The following JAKMIP3 variants were observed in gnomAD, a reference collection of about 807,000 sequenced individuals.
The protein encoded by JAKMIP3 is Janus kinase and microtubule interacting protein 3.
In JAKMIP3, 58 loss-of-function variants were observed where a neutral mutation model predicts 118.5. The ratio of observed to expected loss-of-function variants is 0.49; its 90% CI spans 0.40 to 0.61. JAKMIP3 has a LOEUF of 0.61. JAKMIP3 is among the 20% of genes least tolerant of loss of function. The pLI is 0.00. For synonymous variants in JAKMIP3, 486 were observed against 451.2 expected, an observed-to-expected ratio of 1.08 and a Z score of -0.98; for missense variants, 950 against 1,109.0, an observed-to-expected ratio of 0.86 and a Z score of 2.04.
chr10:132,178,941 G>A (rs1354690734), intron 23 of JAKMIP3, among the ~76,000 whole-genome samples: 2 of 152,130 alleles, frequency 1.3e-5, no homozygotes, highest in Non-Finnish European at 2.9e-5. Context: ...GTACGACTAC[G>A]TCTGCACGTG....
chr10:132,100,774 C>T (rs986360112), intron 1 of JAKMIP3, among the ~76,000 whole-genome samples: 1 of 152,038 alleles, frequency 6.6e-6, no homozygotes, highest in African/African-American at 2.4e-5. Context: ...CTTGAAAGCC[C>T]CTTTCTCTCG....
chr10:132,086,118 C>A (rs1034443719), intron 1 of JAKMIP3, among the ~76,000 whole-genome samples: 2 of 152,054 alleles, frequency 1.3e-5, no homozygotes, highest in East Asian at 1.9e-4. Context: ...ATTGTTGACC[C>A]GGTGATCATT....
intron 19 of JAKMIP3, among the ~76,000 whole-genome samples, chr10:132,156,498 C>G (rs988571492): frequency 6.6e-6 from 1 of 152,182 alleles, no homozygotes; most frequent in Non-Finnish European, 1.5e-5. Flanking sequence ...AGGACCCCAC[C>G]CAGCCTTCGC....
At chr10:132,138,072 T>C in intron 8 of JAKMIP3, 47 bp from the exon 9 acceptor site, 1 of 1,563,636 alleles carries the variant, frequency 6.4e-7, no homozygotes. Flanking sequence ...CTGAAACCGG[T>C]GGAGCTGCTC....
chr10:132,145,033 C>A, intron 11 of JAKMIP3, 74 bp from the exon 12 acceptor site: 1 of 1,235,772 alleles, frequency 8.1e-7, no homozygotes, highest in Non-Finnish European at 1.2e-6. Flanking sequence ...ACCCTTCTGA[C>A]GTCCCACGAG....
At chr10:132,139,299 TGTGTGTGA>T (rs1260887433) in intron 9 of JAKMIP3, among the ~76,000 whole-genome samples, 8 of 111,322 alleles carry the variant, frequency 7.2e-5, no homozygotes, top group African/African-American at 3.0e-4. Flanking sequence ...CATCTGTGTA[TGTGTGTGA>T]GTGTGTATGT....
chr10:132,135,714 C>T (rs1272978029), intron 5 of JAKMIP3, among the ~76,000 whole-genome samples: 2 of 152,060 alleles, frequency 1.3e-5, no homozygotes, highest in African/African-American at 4.8e-5. Context: ...GCGGGTTCAC[C>T]TGGGCACTGG....
At chr10:132,102,195 A>G (rs910481813) in intron 1 of JAKMIP3, among the ~76,000 whole-genome samples, 1 of 152,054 alleles carries the variant, frequency 6.6e-6, no homozygotes, top group African/African-American at 2.4e-5. Context: ...TTCTTCTTGC[A>G]TACTTCTCAG....
Position 132,180,620 on chromosome 10 carries a change from T to C in JAKMIP3, c.*1104-1737T>C, listed in dbSNP as rs1193958130. ...GTGCGTGCGCGTGTGTGTGTGCGTG[T>C]GTGTGCGTGTGTGCGTGCGTGTGTG... On this transcript the variant is annotated intron_variant, in intron 23 of 23. Coordinates refer to ENST00000684848, the MANE Select transcript of JAKMIP3 (RefSeq NM_001323087.2). 6.5e-3 allele frequency among the ~76,000 whole-genome samples: 267 copies of C among 41,202 alleles called. 45 individuals are homozygous for C. Among genetic ancestry groups the C allele is most frequent in the East Asian group, 0.02 (7 of 346 alleles). 27.0% of individuals were successfully genotyped at this position (41,202 alleles called of 152,430 possible).
chr10:132,102,876 G>A (rs186831282), intron 1 of JAKMIP3, among the ~76,000 whole-genome samples: 38 of 152,212 alleles, frequency 2.5e-4, no homozygotes, highest in Non-Finnish European at 4.9e-4. Flanking sequence ...GCAGGAGTAG[G>A]GGGGGAGGGC....
intron 20 of JAKMIP3, among the ~76,000 whole-genome samples, 160 bp downstream of exon 20, chr10:132,163,572 C>T (rs1191237829): frequency 6.6e-6 from 1 of 152,204 alleles, no homozygotes. Flanking sequence ...ATGGCTACAC[C>T]CTGATGGCCA....
intron 3 of JAKMIP3, among the ~76,000 whole-genome samples, chr10:132,123,038 C>T (rs7894572): frequency 0.011 from 1,626 of 152,332 alleles, 23 homozygotes; most frequent in African/African-American, 0.037. Context: ...GCCAAATCCT[C>T]GTCTGCGCAT....
intron 1 of JAKMIP3, among the ~76,000 whole-genome samples, chr10:132,072,623 C>T (rs960270753): frequency 3.3e-5 from 5 of 152,070 alleles, no homozygotes; most frequent in African/African-American, 7.2e-5. Flanking sequence ...TTTAGTGATG[C>T]GATTGGATTT....
At chr10:132,135,895 CTT>C in intron 5 of JAKMIP3, 33 bp from the exon 6 acceptor site, 1 of 1,595,564 alleles carries the variant, frequency 6.3e-7, no homozygotes, top group South Asian at 1.1e-5. Flanking sequence ...TTCTCCGTCA[CTT>C]AAAGAACAAT....
chr10:132,070,863 C>T (rs1003538774), intron 1 of JAKMIP3, among the ~76,000 whole-genome samples: 1 of 152,182 alleles, frequency 6.6e-6, no homozygotes, highest in Non-Finnish European at 1.5e-5. Context: ...CAGACACAAG[C>T]GCTGGGCTTG....
At chr10:132,114,423 CTG>C (rs1378655670) in intron 2 of JAKMIP3, among the ~76,000 whole-genome samples, 11 of 152,270 alleles carry the variant, frequency 7.2e-5, no homozygotes, top group African/African-American at 2.4e-4. Flanking sequence ...TGGGGTCTCA[CTG>C]TGTTGCCCAG....
intron 1 of JAKMIP3, among the ~76,000 whole-genome samples, chr10:132,055,479 GGAAA>G (rs2038213386): frequency 2.0e-5 from 3 of 152,088 alleles, no homozygotes; most frequent in African/African-American, 7.2e-5. Flanking sequence ...TTCAATGTTT[GGAAA>G]GAAATTAAAA....
chr10:132,159,189 GGC>G, intron 19 of JAKMIP3, among the ~76,000 whole-genome samples: 1 of 14,296 alleles, frequency 7.0e-5, no homozygotes. Context: ...ATGTTGTGGG[GGC>G]ATCTCTCCCT....
At chr10:132,150,763 A>G (rs1370202598) in intron 16 of JAKMIP3, among the ~76,000 whole-genome samples, 1 of 152,060 alleles carries the variant, frequency 6.6e-6, no homozygotes, top group Non-Finnish European at 1.5e-5. Context: ...TCCGTCCTCC[A>G]TAATCCATGT....
Sources: gnomAD v4.1 joint callset for allele counts (sites outside exome capture counted in the v4.1 genomes callset) on GRCh38, gnomAD v4.1.1 for gene constraint, MANE v1.5 for transcripts, NCBI Gene and HGNC (gene_info 2026-07-23, HGNC 2026-07-21) for gene names.